The following MEIS2 variants were observed in gnomAD, a reference collection of about 807,000 sequenced individuals.
MEIS2 encodes the protein homeobox protein Meis2.
MEIS2 carries 9 observed loss-of-function variants against 58.6 expected under a neutral mutation model. The observed-to-expected ratio is 0.15, with a 90% CI of 0.09 to 0.27. The LOEUF is 0.27. Among genes scored for constraint, MEIS2 ranks in the 10% least tolerant of loss-of-function variants. The pLI is 1.00. For synonymous variants in MEIS2, 221 were observed against 228.4 expected (o/e 0.97, Z 0.29); for missense variants, 427 against 635.0 (o/e 0.67, Z 3.52).
rs71126247 is a variant in MEIS2, at chr15:36,971,537, T to TAAAAAAAAAAA, written c.901-21148_901-21138dup. Among the ~76,000 whole-genome samples, 104 of 67,092 alleles carry TAAAAAAAAAAA rather than the reference T, an allele frequency of 1.6e-3. 16 individuals are homozygous for TAAAAAAAAAAA. Among genetic ancestry groups the TAAAAAAAAAAA allele is most frequent in the African/African-American group, 5.6e-3 (79 of 14,158 alleles). The allele number at this position is 67,092 out of a possible 152,430, so 44.0% of individuals were successfully genotyped here. On this transcript the variant is annotated intron_variant, in intron 8 of 11. Coordinates refer to ENST00000561208, the MANE Select transcript of MEIS2 (RefSeq NM_170675.5). ...GTATTACTTGTATGCCTTGTTACAT[T>TAAAAAAAAAAA]AAAAAAAAAAAAAAAAAAAAAAAAA...
intron 6 of MEIS2, among the ~76,000 whole-genome samples, chr15:37,090,586 T>C (rs1463933087): frequency 6.6e-6 from 1 of 152,208 alleles, no homozygotes; most frequent in Non-Finnish European, 1.5e-5. Flanking sequence ...TGAAACTATA[T>C]TGGTACCTAA....
intron 9 of MEIS2, among the ~76,000 whole-genome samples, chr15:36,910,461 T>G (rs2056955923): frequency 6.6e-6 from 1 of 152,170 alleles, no homozygotes; most frequent in Non-Finnish European, 1.5e-5. Flanking sequence ...TGGTACAAAT[T>G]AATTCCTGAC....
intron 9 of MEIS2, among the ~76,000 whole-genome samples, chr15:36,911,778 T>C (rs1393370463): frequency 6.6e-6 from 1 of 152,194 alleles, no homozygotes; most frequent in Non-Finnish European, 1.5e-5. Flanking sequence ...GTTGGGCTTA[T>C]TGACTCCAGG....
chr15:36,966,064 T>A (rs1306757268), intron 8 of MEIS2, among the ~76,000 whole-genome samples: 1 of 152,174 alleles, frequency 6.6e-6, no homozygotes, highest in Non-Finnish European at 1.5e-5. Context: ...CTAATTTCAA[T>A]AGATTCCAAG....
At chr15:36,972,376 G>T (rs2059599268) in intron 8 of MEIS2, among the ~76,000 whole-genome samples, 1 of 152,078 alleles carries the variant, frequency 6.6e-6, no homozygotes, top group Non-Finnish European at 1.5e-5. Context: ...GTGTGATTTT[G>T]TCACTCTACT....
chr15:36,935,110 G>C (rs1021101384), intron 9 of MEIS2, among the ~76,000 whole-genome samples: 5 of 151,900 alleles, frequency 3.3e-5, no homozygotes, highest in African/African-American at 7.3e-5. Flanking sequence ...GAGCCACTTA[G>C]CTGGTTGTTA....
chr15:37,098,561 A>C, intron 1 of MEIS2: 1 of 334,880 alleles, frequency 3.0e-6, no homozygotes, highest in Admixed American at 6.0e-5. Flanking sequence ...ATGAAAAAGC[A>C]TGAACCAAGA....
intron 7 of MEIS2, among the ~76,000 whole-genome samples, chr15:37,082,090 G>A (rs536658899): frequency 1.3e-5 from 2 of 152,098 alleles, no homozygotes; most frequent in African/African-American, 4.8e-5. Context: ...TTAAATTTCA[G>A]TTGGGACCTT....
intron 7 of MEIS2, among the ~76,000 whole-genome samples, chr15:37,082,582 G>A (rs1298436021): frequency 2.0e-5 from 3 of 152,006 alleles, no homozygotes; most frequent in Non-Finnish European, 4.4e-5. Context: ...GAAACTAACT[G>A]GTAAAATAAA....
Position 37,087,791 on chromosome 15 carries a change from T to C in MEIS2, c.640-3906A>G, listed in dbSNP as rs562113072. ...CATGAGGGACCTACCTATAAGAGAA[T>C]ACTTAATAAGTCTCGGTGAATTGGT... is the stretch of plus-strand genomic sequence containing the variant. On this transcript the variant is annotated intron_variant, in intron 6 of 11. Coordinates refer to ENST00000561208, the MANE Select transcript of MEIS2 (RefSeq NM_170675.5). Among the ~76,000 whole-genome samples, 15 of 152,290 alleles carry C rather than the reference T, an allele frequency of 9.8e-5. No homozygotes were observed. In the South Asian group the frequency reaches 3.1e-3, roughly 32 times the overall value.
At chr15:37,059,549 G>A (rs1181062855) in intron 7 of MEIS2, among the ~76,000 whole-genome samples, 2 of 151,834 alleles carry the variant, frequency 1.3e-5, no homozygotes, top group Non-Finnish European at 2.9e-5. Flanking sequence ...TCAGAAATGG[G>A]ATCCAAGTTA....
At chr15:36,914,236 T>A (rs1247339131) in intron 9 of MEIS2, among the ~76,000 whole-genome samples, 1 of 152,162 alleles carries the variant, frequency 6.6e-6, no homozygotes, top group Non-Finnish European at 1.5e-5. Flanking sequence ...AGCGTAAGAA[T>A]CCAAGGAGAA....
chr15:37,075,355 A>G (rs1891261031), intron 7 of MEIS2, among the ~76,000 whole-genome samples: 1 of 151,780 alleles, frequency 6.6e-6, no homozygotes, highest in South Asian at 2.1e-4. Flanking sequence ...ACCTACCTAC[A>G]ACGAAATAAT....
intron 7 of MEIS2, among the ~76,000 whole-genome samples, chr15:37,067,671 T>C (rs1890138029): frequency 6.6e-6 from 1 of 152,118 alleles, no homozygotes; most frequent in Non-Finnish European, 1.5e-5. Flanking sequence ...ACTGAGAATT[T>C]TGACCTCATA....
chr15:36,920,180 A>G (rs1434209428), intron 9 of MEIS2, among the ~76,000 whole-genome samples: 4 of 151,354 alleles, frequency 2.6e-5, no homozygotes, highest in African/African-American at 9.7e-5. Flanking sequence ...ACAGAGTTTC[A>G]CTCTTGTTGC....
At chr15:36,938,617 G>A (rs1315731055) in intron 9 of MEIS2, among the ~76,000 whole-genome samples, 1 of 152,108 alleles carries the variant, frequency 6.6e-6, no homozygotes, top group Non-Finnish European at 1.5e-5. Flanking sequence ...ACCACGACTG[G>A]CCTCTGCATC....
intron 7 of MEIS2, among the ~76,000 whole-genome samples, chr15:37,073,177 C>A (rs897922908): frequency 6.6e-6 from 1 of 152,064 alleles, no homozygotes; most frequent in Non-Finnish European, 1.5e-5. Flanking sequence ...CTAATTTAAT[C>A]CTAACAACTG....
At chr15:37,100,569 G>C (rs1490647859), upstream of MEIS2, 3 of 151,490 alleles carry the variant, frequency 2.0e-5, no homozygotes, top group East Asian at 2.0e-4. Context: ...GCCCCGGCTG[G>C]GGGGGTGGGG....
In MEIS2 at chr15:36,936,961, C is replaced by T. The variant is rs117772528; in HGVS notation, c.977+13363G>A. Among the ~76,000 whole-genome samples the T allele has an allele frequency of 2.0e-5, 3 of 152,268 alleles. No homozygotes were observed. In the East Asian group the frequency reaches 5.8e-4, roughly 29 times the overall value. Reference sequence around the variant, plus strand: ...ATGAGAAGACCTGACAAGGAATATGCTTATTTTTGAAAGACTTCTTGATAC... The same window carrying T: ...ATGAGAAGACCTGACAAGGAATATGTTTATTTTTGAAAGACTTCTTGATAC... On this transcript the variant is annotated intron_variant, in intron 9 of 11. Coordinates refer to ENST00000561208, the MANE Select transcript of MEIS2 (RefSeq NM_170675.5).
Sources: gnomAD v4.1 joint callset for allele counts (sites outside exome capture counted in the v4.1 genomes callset) on GRCh38, gnomAD v4.1.1 for gene constraint, MANE v1.5 for transcripts, NCBI Gene and HGNC (gene_info 2026-07-23, HGNC 2026-07-21) for gene names.